Variants in RERE observed in about 807,000 individuals in gnomAD.
The protein encoded by RERE is arginine-glutamic acid dipeptide repeats protein.
A neutral mutation model predicts 146.1 loss-of-function variants in RERE; 40 were observed. The observed-to-expected ratio is 0.27, with a 90% CI of 0.21 to 0.36. The LOEUF is 0.36. Ranked by LOEUF, RERE falls within the 10% of genes least tolerant of loss-of-function variation. RERE has a pLI of 1.00. For synonymous variants in RERE, 1,003 were observed against 866.0 expected, an observed-to-expected ratio of 1.16 and a Z score of -2.78; for missense variants, 1,933 against 2,138.7, an observed-to-expected ratio of 0.90 and a Z score of 1.90.
At chr1:8,576,053 G>A (rs935076768) in intron 4 of RERE, among the ~76,000 whole-genome samples, 1 of 152,126 alleles carries the variant, frequency 6.6e-6, no homozygotes, top group East Asian at 1.9e-4. Context: ...TGTGTACAGG[G>A]TCTGAGGATT....
chr1:8,566,045 C>A (rs1056446336), intron 4 of RERE, among the ~76,000 whole-genome samples: 1 of 152,228 alleles, frequency 6.6e-6, no homozygotes, highest in African/African-American at 2.4e-5. Flanking sequence ...TTTGAGAGGG[C>A]AGAGTGAGGC....
chr1:8,797,886 GAAGA>G (rs1023573940), intron 1 of RERE, among the ~76,000 whole-genome samples: 1 of 152,226 alleles, frequency 6.6e-6, no homozygotes, highest in African/African-American at 2.4e-5. Context: ...TATGCTGAAT[GAAGA>G]AAGAGAGAAC....
chr1:8,706,113 CAAAAAAAA>C (rs61016240), intron 1 of RERE, among the ~76,000 whole-genome samples: 2 of 69,190 alleles, frequency 2.9e-5, no homozygotes, highest in Non-Finnish European at 2.6e-5. Flanking sequence ...ACTCCGTCTC[CAAAAAAAA>C]AAAAAAAAAA....
At chr1:8,783,126 G>A (rs967601467) in intron 1 of RERE, among the ~76,000 whole-genome samples, 1 of 152,076 alleles carries the variant, frequency 6.6e-6, no homozygotes, top group Non-Finnish European at 1.5e-5. Flanking sequence ...GTGAGCCCAG[G>A]AGTTCAAGAC....
chr1:8,426,963 C>A (rs1167895782), intron 11 of RERE, among the ~76,000 whole-genome samples: 1 of 152,216 alleles, frequency 6.6e-6, no homozygotes, highest in Non-Finnish European at 1.5e-5. Flanking sequence ...ACATCTTACA[C>A]CTAGTGCCTC....
chr1:8,550,976 T>C (rs1645928472), intron 6 of RERE, among the ~76,000 whole-genome samples: 1 of 152,198 alleles, frequency 6.6e-6, no homozygotes, highest in African/African-American at 2.4e-5. Flanking sequence ...TAAATTAATT[T>C]ATAATGAAAA....
At chr1:8,610,299 C>A (rs1297801096) in intron 4 of RERE, among the ~76,000 whole-genome samples, 2 of 151,902 alleles carry the variant, frequency 1.3e-5, no homozygotes, top group African/African-American at 4.8e-5. Context: ...TTAAGAATGA[C>A]GAGAATTTGG....
intron 4 of RERE, among the ~76,000 whole-genome samples, chr1:8,558,404 G>A (rs367721542): frequency 2.6e-5 from 4 of 152,090 alleles, no homozygotes; most frequent in African/African-American, 4.8e-5. Context: ...GGTTCCCTGC[G>A]GCCTCCTAAA....
At chr1:8,425,031 GGC>G (rs1643990543) in intron 11 of RERE, 1 of 152,388 alleles carries the variant, frequency 6.6e-6, no homozygotes, top group Non-Finnish European at 1.5e-5. Flanking sequence ...CTGGCAGAAA[GGC>G]TGAAGCTGGA....
chr1:8,496,518 AG>A, intron 9 of RERE, among the ~76,000 whole-genome samples: 1 of 150,342 alleles, frequency 6.7e-6, no homozygotes, highest in Non-Finnish European at 1.5e-5. Flanking sequence ...AAAGAAAAAA[AG>A]AAAAAAAAGA....
At chr1:8,467,811 AT>A (rs1243561384) in intron 10 of RERE, among the ~76,000 whole-genome samples, 3 of 151,770 alleles carry the variant, frequency 2.0e-5, no homozygotes, top group Non-Finnish European at 2.9e-5. Context: ...CGCCCGGCTT[AT>A]TTTTTGTATT....
At chr1:8,617,855 GA>G (rs1180477397) in intron 3 of RERE, among the ~76,000 whole-genome samples, 1 of 152,110 alleles carries the variant, frequency 6.6e-6, no homozygotes, top group Non-Finnish European at 1.5e-5. Flanking sequence ...AATTCGTGAA[GA>G]AAACAAGAAA....
chr1:8,491,925 A>G (rs1644984201), intron 10 of RERE, among the ~76,000 whole-genome samples: 1 of 152,186 alleles, frequency 6.6e-6, no homozygotes, highest in South Asian at 2.1e-4. Context: ...ATATCTTTTT[A>G]ACTTATTACT....
At chr1:8,709,364 C>T (rs1241954037) in intron 1 of RERE, among the ~76,000 whole-genome samples, 1 of 151,802 alleles carries the variant, frequency 6.6e-6, no homozygotes. Flanking sequence ...AAGCAATCCA[C>T]CCACCTCGGC....
chr1:8,685,905 A>G (rs1476876579), intron 1 of RERE, among the ~76,000 whole-genome samples: 3 of 152,150 alleles, frequency 2.0e-5, no homozygotes, highest in Non-Finnish European at 2.9e-5. Context: ...GTGGAGCTAT[A>G]TCTTCTGAGT....
intron 1 of RERE, among the ~76,000 whole-genome samples, chr1:8,810,155 C>T (rs1003347710): frequency 6.6e-6 from 1 of 152,150 alleles, no homozygotes; most frequent in Non-Finnish European, 1.5e-5. Flanking sequence ...CAGGTACCCG[C>T]CATCGTGCCC....
At chr1:8,750,410 C>T (rs1640509128) in intron 1 of RERE, 1 of 740,504 alleles carries the variant, frequency 1.4e-6, no homozygotes, top group South Asian at 1.5e-5. Context: ...AAACCAGTAG[C>T]CTCTTTTTCC....
intron 11 of RERE, among the ~76,000 whole-genome samples, chr1:8,427,025 ATTAT>A (rs1432099956): frequency 2.0e-5 from 3 of 152,154 alleles, no homozygotes; most frequent in Non-Finnish European, 4.4e-5. Flanking sequence ...TCCTTTAAAA[ATTAT>A]TTATTTATTA....
intron 10 of RERE, among the ~76,000 whole-genome samples, chr1:8,482,651 G>A (rs1256233653): frequency 4.0e-5 from 5 of 126,294 alleles, no homozygotes; most frequent in Non-Finnish European, 6.3e-5. Context: ...CACTGCACTC[G>A]AGCCTGGGCA....
Sources: gnomAD v4.1 joint callset for allele counts (sites outside exome capture counted in the v4.1 genomes callset) on GRCh38, gnomAD v4.1.1 for gene constraint, MANE v1.5 for transcripts, NCBI Gene and HGNC (gene_info 2026-07-23, HGNC 2026-07-21) for gene names.